The following DHX36 variants were observed in gnomAD, a reference collection of about 807,000 sequenced individuals.
The protein encoded by DHX36 is DEAH-box helicase 36.
In DHX36, 50 loss-of-function variants were observed where a neutral mutation model predicts 139.0. That is an observed-to-expected ratio of 0.36 (90% CI 0.29 to 0.46). The LOEUF is 0.46. Among genes scored for constraint, DHX36 ranks in the 20% least tolerant of loss-of-function variants. The pLI, the probability that DHX36 is intolerant of heterozygous loss-of-function variation, is 1.00. For synonymous variants in DHX36, 425 were observed against 401.9 expected, an observed-to-expected ratio of 1.06 and a Z score of -0.69; for missense variants, 1,024 against 1,211.3, an observed-to-expected ratio of 0.85 and a Z score of 2.29.
rs567380128 is a variant in DHX36 at position 154,284,721 on chromosome 3, G to A, written c.2206-52C>T. 1.0e-4 allele frequency: 159 copies of A among 1,592,168 alleles called. 1 individual carries two copies. The South Asian group carries it at 1.6e-3, about 16-fold the overall frequency. On this transcript the variant is annotated intron_variant, in intron 18 of 24. Transcript: ENST00000496811. Reference sequence around the variant, plus strand: ...TAAATTGCTCTGATGCTATAATGGAGAATGACATTCTAATAAAACGCTAAT... The same window carrying A: ...TAAATTGCTCTGATGCTATAATGGAAAATGACATTCTAATAAAACGCTAAT...
Position 154,276,897 on chromosome 3 carries a change from T to A in DHX36, c.2691A>T (p.Ile897=), listed in dbSNP as rs1416554356. 2 of 1,604,612 alleles carry A rather than the reference T, an allele frequency of 1.2e-6. No homozygotes were observed. Among genetic ancestry groups the A allele is most frequent in the Non-Finnish European group, 1.7e-6 (2 of 1,177,616 alleles). Residue 897 remains isoleucine (I), a splice_region_variant and synonymous_variant, in exon 24 of 25, where the codon ATA becomes ATT. Transcript: ENST00000496811. ...AAACCTCTGTGCAGTCATACAAGTA[T>A]ATCTGTAATGAAAATTAAAGTGAAT... ...IYHLKMRTSS[I]YLYDCTEVSP... is the part of the protein sequence containing the mutation.
At chr3:154,318,430 C>T (rs1026941422) in intron 1 of DHX36, among the ~76,000 whole-genome samples, 6 of 152,166 alleles carry the variant, frequency 3.9e-5, no homozygotes, top group Admixed American at 6.5e-5. Flanking sequence ...TAAACAATTT[C>T]CTAGATTGAC....
chr3:154,315,136 C>A lies in DHX36; in HGVS notation c.513G>T (p.Leu171Phe). 2 of 1,613,460 alleles carry A rather than the reference C, an allele frequency of 1.2e-6. No homozygotes were observed. Among genetic ancestry groups the A allele is most frequent in the South Asian group, 2.2e-5 (2 of 91,000 alleles). Reference sequence around the variant, plus strand: ...AAGTTCCATCTGGTTCATTTTCTTGCAAGAGATACTCAGAATCTCGGTCAA... The same window carrying A: ...AAGTTCCATCTGGTTCATTTTCTTGAAAGAGATACTCAGAATCTCGGTCAA... The part of the protein sequence containing the change: ...SYIDRDSEYL[L>F]QENEPDGTLD... The change falls in exon 3 of 25, where the codon TTG (leucine) becomes TTT (phenylalanine). Residue 171 changes from leucine to phenylalanine, a missense_variant. Around this residue, in one of 4 missense-constraint regions of DHX36, gnomAD observed 293 missense variants for 274.4 expected, o/e 1.07. Coordinates refer to ENST00000496811, the MANE Select transcript of DHX36 (RefSeq NM_020865.3).
At chr3:154,303,171 C>T (rs1034464047) in intron 9 of DHX36, among the ~76,000 whole-genome samples, 158 bp downstream of exon 9, 2 of 152,092 alleles carry the variant, frequency 1.3e-5, no homozygotes, top group Non-Finnish European at 2.9e-5. Flanking sequence ...TTTTAAAAAG[C>T]TCCAGGCAAT....
chr3:154,315,933 A>G, intron 2 of DHX36, 106 bp downstream of exon 2: 1 of 1,329,470 alleles, frequency 7.5e-7, no homozygotes. Flanking sequence ...AAGGAAAAAA[A>G]GTACGTAAAG....
intron 14 of DHX36, 58 bp downstream of exon 14, chr3:154,293,690 G>T: frequency 7.9e-7 from 1 of 1,263,668 alleles, no homozygotes; most frequent in Non-Finnish European, 1.2e-6. Flanking sequence ...ATATAAACAC[G>T]TTATGGTGTT....
intron 5 of DHX36, 66 bp downstream of exon 5, chr3:154,309,587 A>G: frequency 7.2e-7 from 1 of 1,383,862 alleles, no homozygotes; most frequent in Non-Finnish European, 9.7e-7. Context: ...ACACCTTCAG[A>G]ATCAGTAGGT....
intron 11 of DHX36, 25 bp downstream of exon 11, chr3:154,300,569 C>T (rs1576870429): frequency 1.3e-6 from 2 of 1,568,954 alleles, no homozygotes; most frequent in Non-Finnish European, 1.7e-6. Context: ...ATTATGTTAA[C>T]TGAAGAAAGA....
At position 154,277,626 on chromosome 3, in the gene DHX36, A is replaced by G; in HGVS notation, c.2660T>C (p.Ile887Thr). ...GCTTGTTCTCATCTTTAGGTGATAG[A>G]TAAGCCAGTTGTAGTGAAAGTCTGT... ...EQTDFHYNWL[I>T]YHLKMRTSSI... Residue 887 changes from isoleucine (I) to threonine (T), a missense_variant, in exon 23 of 25, where the codon ATC becomes ACC. Transcript: ENST00000496811. The G allele has an allele frequency of 6.2e-7, 1 of 1,612,230 alleles. No individual in the cohort carries two copies. Among genetic ancestry groups the G allele is most frequent in the Non-Finnish European group, 8.5e-7 (1 of 1,178,792 alleles).
intron 1 of DHX36, among the ~76,000 whole-genome samples, chr3:154,323,069 T>C (rs754182424): frequency 3.9e-5 from 6 of 152,214 alleles, no homozygotes; most frequent in Admixed American, 2.6e-4. Flanking sequence ...GCGTGGTGGC[T>C]CACGCCTGTA....
chr3:154,307,300 A>G (rs953246170), intron 5 of DHX36, among the ~76,000 whole-genome samples: 2 of 152,184 alleles, frequency 1.3e-5, no homozygotes, highest in Admixed American at 6.5e-5. Flanking sequence ...TTTCTACACA[A>G]CAAAAGAAAT....
chr3:154,312,139 C>T (rs1712784457), intron 3 of DHX36: 1 of 152,276 alleles, frequency 6.6e-6, no homozygotes. Context: ...CAAGTAATAT[C>T]TGCAGTCAGA....
At position 154,275,780 on chromosome 3, in the gene DHX36, G is replaced by T. The variant is rs1719128266; in HGVS notation, c.*391C>A. On this transcript the variant is annotated 3_prime_UTR_variant, in exon 25 of 25. Transcript: ENST00000496811. ...TGTGGTTGTGTTCAAATTCTTAATT[G>T]ACACTTGTTTTGGGGTAAACATCCT... 1 of 153,480 alleles carries T rather than the reference G, an allele frequency of 6.5e-6. No individual in the cohort carries two copies. The highest frequency in any genetic ancestry group is 1.5e-5 in the Non-Finnish European group (1 of 68,776). 9.5% of individuals were successfully genotyped at this position (153,480 alleles called of 1,614,324 possible). A position where few individuals can be genotyped will look rare whatever the true frequency, so the allele number is the denominator to read the frequency against.
At chr3:154,319,073 G>A (rs1257080016) in intron 1 of DHX36, 2 of 152,258 alleles carry the variant, frequency 1.3e-5, no homozygotes, top group Non-Finnish European at 2.9e-5. Context: ...AGGTAGCAGA[G>A]AACATACCTT....
intron 23 of DHX36, among the ~76,000 whole-genome samples, chr3:154,277,272 T>C (rs940422218): frequency 6.6e-6 from 1 of 152,142 alleles, no homozygotes; most frequent in Admixed American, 6.5e-5. Context: ...ACAATACTTA[T>C]AAGGTATACT....
rs1467398968 is a variant in DHX36, at chr3:154,284,653, G to A, written c.2222C>T (p.Ala741Val). The change falls in exon 19 of 25, where the codon GCA becomes GTA. Residue 741 changes from alanine to valine, a missense_variant. Ala to Val is a moderately conservative substitution (Grantham distance 64). Around this residue, in one of 4 missense-constraint regions of DHX36, gnomAD observed 470 missense variants for 616.2 expected, o/e 0.76. Coordinates refer to ENST00000496811, the MANE Select transcript of DHX36 (RefSeq NM_020865.3). The part of the protein sequence containing the change: ...FVIPLGKEKI[A>V]DARRKELAKD... ...TGCCAATTCCTTTCTTCTTGCATCT[G>A]CAATCTTTTCTTTTCCCTTAAAAAT... 1.9e-6 allele frequency: 3 copies of A among 1,611,458 alleles called. No homozygotes were observed. Among genetic ancestry groups the A allele is most frequent in the Non-Finnish European group, 2.5e-6 (3 of 1,178,710 alleles).
At chr3:154,301,713 T>C (rs1049065245) in intron 9 of DHX36, among the ~76,000 whole-genome samples, 8 of 152,204 alleles carry the variant, frequency 5.3e-5, no homozygotes, top group African/African-American at 1.2e-4. Context: ...CATATGTCAA[T>C]TGAGTGCTGT....
At chr3:154,291,095 AC>A in intron 15 of DHX36, among the ~76,000 whole-genome samples, 1 of 123,892 alleles carries the variant, frequency 8.1e-6, no homozygotes, top group Non-Finnish European at 1.6e-5. Flanking sequence ...AGATCCCGCC[AC>A]TGCACTCCAG....
Position 154,283,220 on chromosome 3 carries a change from A to G in DHX36, c.2344T>C (p.Trp782Arg). 3 of 1,613,904 alleles carry G rather than the reference A, an allele frequency of 1.9e-6. No homozygotes were observed. The highest frequency in any genetic ancestry group is 2.5e-6 in the Non-Finnish European group (3 of 1,179,818). The change falls in exon 20 of 25, where the codon TGG becomes CGG. Residue 782 changes from tryptophan to arginine, a missense_variant. Around this residue, in one of 4 missense-constraint regions of DHX36, gnomAD observed 470 missense variants for 616.2 expected, o/e 0.76. Coordinates refer to ENST00000496811, the MANE Select transcript of DHX36 (RefSeq NM_020865.3). ...RGFRYEKDYC[W>R]EYFLSSNTLQ... ...GTGTTTGAAGACAGAAAATATTCCC[A>G]GCAATAGTCCTTTTCGTATCTGAAA...
Sources: allele counts gnomAD v4.1 joint callset (sites outside exome capture counted in the v4.1 genomes callset), GRCh38; gene constraint gnomAD v4.1.1; regional missense constraint gnomAD v4.1.1; transcripts MANE v1.5; gene names NCBI Gene and HGNC (gene_info 2026-07-23, HGNC 2026-07-21).